Variants in EGLN1 observed in about 807,000 individuals in gnomAD.
The protein encoded by EGLN1 is egl nine homolog 1.
In EGLN1, 17 loss-of-function variants were observed where a neutral mutation model predicts 38.3. The observed-to-expected ratio is 0.44, with a 90% confidence interval of 0.30 to 0.67. The LOEUF is 0.67. Among genes scored for constraint, EGLN1 ranks in the 30% least tolerant of loss-of-function variants. The probability of loss-of-function intolerance (pLI) is 0.08; values close to 1 mark genes in which losing one functional copy is unlikely to be tolerated. For synonymous variants in EGLN1, 283 were observed against 257.5 expected (o/e 1.10, Z -0.95); for missense variants, 477 against 603.3 (o/e 0.79, Z 2.19).
rs541569859 is a variant in EGLN1, at chr1:231,364,607, A to AT, written c.*1803dup. ...AGTCCACTGTTGGCTTCACTACACA[A>AT]TTTTTTTCCATGTTTTACATGAATA... On this transcript the variant is annotated 3_prime_UTR_variant, in exon 5 of 5. Transcript: ENST00000366641. The AT allele has an allele frequency of 0.57, 87,239 of 151,968 alleles. 25,910 individuals carry two copies. The highest frequency in any genetic ancestry group is 0.66 in the Middle Eastern group (193 of 294). 9.4% of individuals were successfully genotyped at this position (151,968 alleles called of 1,614,324 possible). A position where few individuals can be genotyped will look rare whatever the true frequency, so the allele number is the denominator to read the frequency against.
intron 1 of EGLN1, among the ~76,000 whole-genome samples, chr1:231,420,023 A>C (rs913236591): frequency 6.6e-6 from 1 of 152,228 alleles, no homozygotes; most frequent in African/African-American, 2.4e-5. Context: ...AGATCTGAGA[A>C]GTAAAATGAA....
chr1:231,409,964 T>G (rs1462241933), intron 1 of EGLN1, among the ~76,000 whole-genome samples: 1 of 152,052 alleles, frequency 6.6e-6, no homozygotes, highest in Non-Finnish European at 1.5e-5. Context: ...AACTTGTGCT[T>G]CCATGAGCGC....
intron 1 of EGLN1, among the ~76,000 whole-genome samples, chr1:231,419,099 G>T (rs576134911): frequency 6.6e-6 from 1 of 152,282 alleles, no homozygotes; most frequent in East Asian, 1.9e-4. Flanking sequence ...TATAGATCCT[G>T]AAGTTGCGTC....
chr1:231,413,772 A>G (rs577615468), intron 1 of EGLN1, among the ~76,000 whole-genome samples: 1 of 152,248 alleles, frequency 6.6e-6, no homozygotes, highest in Admixed American at 6.5e-5. Context: ...GTATCAAAAC[A>G]GGACTCAGAA....
intron 1 of EGLN1, among the ~76,000 whole-genome samples, chr1:231,377,721 T>C (rs968303495): frequency 4.6e-5 from 7 of 152,112 alleles, no homozygotes; most frequent in Non-Finnish European, 7.4e-5. Context: ...CTAAACTCTT[T>C]CCTTAGAGCC....
intron 1 of EGLN1, among the ~76,000 whole-genome samples, chr1:231,382,330 G>C (rs1688096788): frequency 6.6e-6 from 1 of 152,150 alleles, no homozygotes. Context: ...AGAGGTTCCT[G>C]ACATTCATCC....
At chr1:231,386,116 G>GT (rs1688198131) in intron 1 of EGLN1, among the ~76,000 whole-genome samples, 1 of 102,636 alleles carries the variant, frequency 9.7e-6, no homozygotes, top group Non-Finnish European at 2.5e-5. Flanking sequence ...ATGCCCGGCT[G>GT]GTTTTTTTTT....
chr1:231,405,419 C>T (rs111237054), intron 1 of EGLN1, among the ~76,000 whole-genome samples: 1,864 of 152,154 alleles, frequency 0.012, 44 homozygotes, highest in African/African-American at 0.042. Flanking sequence ...CCTCGTGATC[C>T]GCCCACCTCA....
intron 3 of EGLN1, among the ~76,000 whole-genome samples, chr1:231,368,334 G>A (rs945907151): frequency 6.6e-6 from 1 of 152,152 alleles, no homozygotes; most frequent in Non-Finnish European, 1.5e-5. Flanking sequence ...ACAGTCTCTG[G>A]GGACATCACT....
At chr1:231,382,283 A>C (rs969079760) in intron 1 of EGLN1, among the ~76,000 whole-genome samples, 4 of 152,172 alleles carry the variant, frequency 2.6e-5, no homozygotes, top group Non-Finnish European at 5.9e-5. Flanking sequence ...AAACAGTGTA[A>C]TTATTATTTG....
At position 231,392,791 on chromosome 1, in the gene EGLN1, A is replaced by G. The variant is rs186188670; in HGVS notation, c.892-18692T>C. Among the ~76,000 whole-genome samples the G allele has an allele frequency of 4.6e-5, 7 of 152,352 alleles. No homozygotes were observed. The East Asian group carries it at 1.3e-3, about 29-fold the overall frequency. On this transcript the variant is annotated intron_variant, in intron 1 of 4. Coordinates refer to ENST00000366641, the MANE Select transcript of EGLN1 (RefSeq NM_022051.3). ...TTTATCTTCATCCTCAAGCAGTCACAGGTGAGATTTTTCATCCCTGTCCAC... is the reference window on the plus strand; with the variant it reads ...TTTATCTTCATCCTCAAGCAGTCACGGGTGAGATTTTTCATCCCTGTCCAC...
At chr1:231,408,029 T>C (rs1041715113) in intron 1 of EGLN1, among the ~76,000 whole-genome samples, 4 of 152,160 alleles carry the variant, frequency 2.6e-5, no homozygotes, top group African/African-American at 7.2e-5. Context: ...TGACTAATAC[T>C]GTACGTAACA....
intron 1 of EGLN1, among the ~76,000 whole-genome samples, chr1:231,393,119 T>C (rs969460548): frequency 1.3e-5 from 2 of 152,216 alleles, no homozygotes; most frequent in Non-Finnish European, 2.9e-5. Context: ...GGCCATCTTG[T>C]TGTCATATCA....
intron 1 of EGLN1, among the ~76,000 whole-genome samples, chr1:231,386,557 A>C (rs201482657): frequency 2.9e-5 from 1 of 34,558 alleles, no homozygotes; most frequent in Non-Finnish European, 1.2e-4. Context: ...AAGTTACTTA[A>C]TTATTTATAT....
Position 231,421,566 on chromosome 1 carries a change from G to A in EGLN1, c.323C>T (p.Ala108Val), listed in dbSNP as rs1317419668. 7 of 1,308,986 alleles carry A rather than the reference G, an allele frequency of 5.3e-6. No individual in the cohort carries two copies. The highest frequency in any genetic ancestry group is 6.8e-6 in the Non-Finnish European group (7 of 1,035,622). 81.1% of individuals were successfully genotyped at this position (1,308,986 alleles called of 1,614,324 possible). A position where few individuals can be genotyped will look rare whatever the true frequency, so the allele number is the denominator to read the frequency against. ...GGGCTTGGCCTTTACTTTTCCCTTG[G>A]CCGCGTCCCCGGAGGCGTTGTCCCG... ...ARRDNASGDA[A>V]KGKVKAKPPA... is the part of the protein sequence containing the mutation. Residue 108 changes from alanine to valine, a missense_variant, in exon 1 of 5, where the codon GCC becomes GTC. This residue lies in a region of EGLN1 where 298 missense variants were observed against 288.9 expected (regional missense o/e 1.03). Transcript: ENST00000366641. This position sits in a 1 kb window ranked among gnomAD's most constrained non-coding sequence, Gnocchi z 5.5.
intron 1 of EGLN1, among the ~76,000 whole-genome samples, chr1:231,414,289 G>A (rs1024294271): frequency 1.3e-5 from 2 of 152,142 alleles, no homozygotes; most frequent in South Asian, 4.1e-4. Flanking sequence ...GAAATAGTTG[G>A]GGTAGCTTTA....
At position 231,421,413 on chromosome 1, in the gene EGLN1, T is replaced by C; in HGVS notation, c.476A>G (p.Lys159Arg). 2 of 1,592,754 alleles carry C rather than the reference T, an allele frequency of 1.3e-6. No homozygotes were observed. Among genetic ancestry groups the C allele is most frequent in the Non-Finnish European group, 1.7e-6 (2 of 1,167,096 alleles). Residue 159 changes from lysine (K) to arginine (R), a missense_variant, in exon 1 of 5, where the codon AAG (lysine) becomes AGG (arginine). This residue lies in a region of EGLN1 where 298 missense variants were observed against 288.9 expected (regional missense o/e 1.03). Coordinates refer to ENST00000366641, the MANE Select transcript of EGLN1 (RefSeq NM_022051.3). The surrounding 1 kb of genome is among the most constrained non-coding windows in gnomAD (Gnocchi z 5.5). ...GTTGCTTGGGGGGTACAGGTTCGCC[T>C]TCTCCTGGAACAGCGATGAGCGGGC... ...PPARSSLFQE[K>R]ANLYPPSNTP... is the part of the protein sequence containing the mutation.
At chr1:231,385,970 G>C (rs1450031971) in intron 1 of EGLN1, among the ~76,000 whole-genome samples, 1 of 152,062 alleles carries the variant, frequency 6.6e-6, no homozygotes, top group African/African-American at 2.4e-5. Flanking sequence ...CTCCTGAGTA[G>C]ACTAGCTAAT....
intron 1 of EGLN1, among the ~76,000 whole-genome samples, chr1:231,415,269 T>C (rs1173544712): frequency 9.0e-6 from 1 of 110,712 alleles, no homozygotes; most frequent in Non-Finnish European, 1.7e-5. Flanking sequence ...GCCCTGTCCT[T>C]TAAAAAAAAA....
Sources: allele counts gnomAD v4.1 joint callset (sites outside exome capture counted in the v4.1 genomes callset), GRCh38; gene constraint gnomAD v4.1.1; regional missense constraint gnomAD v4.1.1; non-coding constraint Gnocchi (gnomAD v3.1); transcripts MANE v1.5; gene names NCBI Gene and HGNC (gene_info 2026-07-23, HGNC 2026-07-21).